ZNF100: variants seen among roughly 807,000 people sequenced by gnomAD.
ZNF100 encodes the protein zinc finger protein 100.
A neutral mutation model predicts 15.8 loss-of-function variants in ZNF100; 12 were observed. That is an observed-to-expected ratio of 0.76 (90% CI 0.49 to 1.23). The LOEUF is 1.23. Among genes scored for constraint, ZNF100 ranks in the 50% most tolerant of loss-of-function variants. The probability of loss-of-function intolerance (pLI) is 0.00; values close to 1 mark genes in which losing one functional copy is unlikely to be tolerated. For missense variants in ZNF100, 670 were observed against 635.6 expected, an observed-to-expected ratio of 1.05 and a Z score of -0.58; for synonymous variants, 226 against 214.8, an observed-to-expected ratio of 1.05 and a Z score of -0.45.
Position 21,751,524 on chromosome 19 carries a change from G to GC in ZNF100, c.97-6458dup, listed in dbSNP as rs1310264934. On this transcript the variant is annotated intron_variant, in intron 2 of 4. Transcript: ENST00000358296. ...TTAACTTATGCTGAAATCGACATTTGCCCCACTAACTAGAAAAGGATTGTT... is the reference window on the plus strand; with the variant it reads ...TTAACTTATGCTGAAATCGACATTTGCCCCCACTAACTAGAAAAGGATTGTT... 8 of 1,135,654 alleles carry GC rather than the reference G, an allele frequency of 7.0e-6. No individual in the cohort carries two copies. In the East Asian group the frequency reaches 1.9e-4, roughly 27 times the overall value. The allele number at this position is 1,135,654 out of a possible 1,614,324, so 70.3% of individuals were successfully genotyped here.
rs1377340965 is a variant in ZNF100 at position 21,724,125 on chromosome 19, G to T, written c.*2558C>A. ...CATGAGTACCAGGCAAGTATAAACA[G>T]AATTTTCATGGGGAGATTCAGAACT... On this transcript the variant is annotated 3_prime_UTR_variant, in exon 5 of 5. Coordinates refer to ENST00000358296, the MANE Select transcript of ZNF100 (RefSeq NM_173531.4). 6.6e-6 allele frequency: 1 copy of T among 152,090 alleles called. No individual in the cohort carries two copies. Among genetic ancestry groups the T allele is most frequent in the Non-Finnish European group, 1.5e-5 (1 of 67,974 alleles). The allele number at this position is 152,090 out of a possible 1,614,324, so 9.4% of individuals were successfully genotyped here.
intron 2 of ZNF100, among the ~76,000 whole-genome samples, chr19:21,757,939 A>T (rs1443029722): frequency 6.6e-6 from 1 of 152,136 alleles, no homozygotes; most frequent in Non-Finnish European, 1.5e-5. Flanking sequence ...TAATGGGCTG[A>T]GGTAGGAGGA....
Position 21,744,962 on chromosome 19 carries a change from A to G in ZNF100, c.202T>C (p.Tyr68His). ...TCACCCAAGAAGACCAGGTTTCTGT[A>G]GTTCTCTAACATCACTTTCCTATAC... Reference protein sequence around the residue: ...GLYRKVMLENYRNLVFLAGIA... With the variant: ...GLYRKVMLENHRNLVFLAGIA... Residue 68 changes from tyrosine (Y) to histidine (H), a missense_variant, in exon 3 of 5, where the codon TAC becomes CAC. Coordinates refer to ENST00000358296, the MANE Select transcript of ZNF100 (RefSeq NM_173531.4). 6.2e-7 allele frequency: 1 copy of G among 1,610,062 alleles called. No individual in the cohort carries two copies. The highest frequency in any genetic ancestry group is 8.5e-7 in the Non-Finnish European group (1 of 1,179,172).
rs1357433517 is a variant in ZNF100, at chr19:21,725,512, G to A, written c.*1171C>T. ...TTCATCATACATCTCATATTTTAATGTCTTTTTCATAGCAAAGTTTATAAA... is the reference window on the plus strand; with the variant it reads ...TTCATCATACATCTCATATTTTAATATCTTTTTCATAGCAAAGTTTATAAA... On this transcript the variant is annotated 3_prime_UTR_variant, in exon 5 of 5. Coordinates refer to ENST00000358296, the MANE Select transcript of ZNF100 (RefSeq NM_173531.4). The A allele has an allele frequency of 1.3e-5, 2 of 151,970 alleles. No homozygotes were observed. The highest frequency in any genetic ancestry group is 2.9e-5 in the Non-Finnish European group (2 of 67,970). 9.4% of individuals were successfully genotyped at this position (151,970 alleles called of 1,614,324 possible).
chr19:21,752,199 T>C (rs1310180434), intron 2 of ZNF100: 1 of 155,340 alleles, frequency 6.4e-6, no homozygotes, highest in Non-Finnish European at 1.4e-5. Context: ...TTGCTTACAA[T>C]GTGGGCCAGT....
chr19:21,748,024 T>C (rs2036241819), intron 2 of ZNF100, among the ~76,000 whole-genome samples: 3 of 152,270 alleles, frequency 2.0e-5, no homozygotes, highest in South Asian at 2.1e-4. Flanking sequence ...GGAGGGGGCA[T>C]AGAAAGAGTT....
chr19:21,757,878 A>T (rs141344742), intron 2 of ZNF100, among the ~76,000 whole-genome samples: 115 of 152,214 alleles, frequency 7.6e-4, no homozygotes, highest in Non-Finnish European at 1.5e-3. Context: ...TCTACAAAAA[A>T]TAAAAATAAT....
At chr19:21,748,246 A>T (rs1161297571) in intron 2 of ZNF100, among the ~76,000 whole-genome samples, 1 of 152,210 alleles carries the variant, frequency 6.6e-6, no homozygotes, top group Non-Finnish European at 1.5e-5. Context: ...CCAGCTCTAG[A>T]AAGGCAGAAG....
chr19:21,749,855 G>T (rs1309740112), intron 2 of ZNF100, among the ~76,000 whole-genome samples: 1 of 152,142 alleles, frequency 6.6e-6, no homozygotes, highest in African/African-American at 2.4e-5. Flanking sequence ...TTGGTTTTCA[G>T]TACATTCTCA....
In ZNF100 at chr19:21,725,122, G is replaced by T. The variant is rs1474408030; in HGVS notation, c.*1561C>A. 1 of 152,098 alleles carries T rather than the reference G, an allele frequency of 6.6e-6. No homozygotes were observed. The highest frequency in any genetic ancestry group is 1.5e-5 in the Non-Finnish European group (1 of 68,022). 9.4% of individuals were successfully genotyped at this position (152,098 alleles called of 1,614,324 possible). On this transcript the variant is annotated 3_prime_UTR_variant, in exon 5 of 5. Transcript: ENST00000358296. ...ATTCTTTAACTTATTTGCAGTCAAA[G>T]CCACTAGCAAAAGAGATTACTAGAG... is the stretch of plus-strand genomic sequence containing the variant.
intron 2 of ZNF100, among the ~76,000 whole-genome samples, chr19:21,750,281 G>C (rs1458126298): frequency 6.6e-6 from 1 of 152,120 alleles, no homozygotes; most frequent in Non-Finnish European, 1.5e-5. Context: ...ACAAAGAAGA[G>C]CTGGTACCAC....
chr19:21,755,237 G>A (rs1211103596), intron 2 of ZNF100, among the ~76,000 whole-genome samples: 2 of 151,846 alleles, frequency 1.3e-5, no homozygotes, highest in South Asian at 2.1e-4. Flanking sequence ...AACCCAGGAG[G>A]CAGAGGTTGC....
At chr19:21,749,127 C>T (rs1334674600) in intron 2 of ZNF100, among the ~76,000 whole-genome samples, 8 of 152,036 alleles carry the variant, frequency 5.3e-5, no homozygotes, top group Non-Finnish European at 1.0e-4. Flanking sequence ...TGGTAGGGAC[C>T]GTGACTGCTT....
intron 1 of ZNF100, 30 bp from the exon 2 acceptor site, chr19:21,765,816 AT>A (rs1467387445): frequency 1.3e-6 from 2 of 1,589,194 alleles, no homozygotes; most frequent in African/African-American, 2.7e-5. Context: ...AGAAGCTGAC[AT>A]TCACTAGGCA....
In ZNF100 at chr19:21,726,460, A is replaced by G. The variant is rs2035787088; in HGVS notation, c.*223T>C. ...CTTCACATTTCTAGGATTTCTCAAC[A>G]CTATGATTTATGTTTTGAAAAGTTT... On this transcript the variant is annotated 3_prime_UTR_variant, in exon 5 of 5. Coordinates refer to ENST00000358296, the MANE Select transcript of ZNF100 (RefSeq NM_173531.4). The G allele has an allele frequency of 2.0e-6, 1 of 503,400 alleles. No individual in the cohort carries two copies. The highest frequency in any genetic ancestry group is 1.9e-5 in the African/African-American group (1 of 51,522). 31.2% of individuals were successfully genotyped at this position (503,400 alleles called of 1,614,324 possible).
chr19:21,749,251 T>G (rs2036262774), intron 2 of ZNF100, among the ~76,000 whole-genome samples: 1 of 151,816 alleles, frequency 6.6e-6, no homozygotes, highest in Non-Finnish European at 1.5e-5. Context: ...AACTCTCATC[T>G]GGGTACCAAC....
intron 2 of ZNF100, among the ~76,000 whole-genome samples, chr19:21,747,776 C>T (rs2036236305): frequency 6.6e-6 from 1 of 152,212 alleles, no homozygotes; most frequent in South Asian, 2.1e-4. Context: ...AACATGTACA[C>T]ATGTACTAAT....
intron 1 of ZNF100, among the ~76,000 whole-genome samples, chr19:21,766,230 T>G (rs140037461): frequency 6.6e-6 from 1 of 151,982 alleles, no homozygotes; most frequent in Non-Finnish European, 1.5e-5. Context: ...CCAGAAGAAA[T>G]TGGAAATTTA....
At chr19:21,736,115 T>C (rs1830399970) in intron 4 of ZNF100, among the ~76,000 whole-genome samples, 1 of 151,012 alleles carries the variant, frequency 6.6e-6, no homozygotes, top group African/African-American at 2.4e-5. Context: ...TGAGATGGAA[T>C]CTCACTCTGT....
Sources: gnomAD v4.1 joint callset for allele counts (sites outside exome capture counted in the v4.1 genomes callset) on GRCh38, gnomAD v4.1.1 for gene constraint, MANE v1.5 for transcripts, NCBI Gene and HGNC (gene_info 2026-07-23, HGNC 2026-07-21) for gene names.